The following DENND5B variants were observed in gnomAD, a reference collection of about 807,000 sequenced individuals.
DENND5B encodes the protein DENN domain containing 5B.
In DENND5B, 34 loss-of-function variants were observed where a neutral mutation model predicts 140.6. The observed-to-expected ratio is 0.24, with a 90% CI of 0.18 to 0.32. The LOEUF (loss-of-function observed/expected upper bound fraction) is 0.32, where lower values mean the gene tolerates loss of function less well. DENND5B is among the 10% of genes least tolerant of loss of function. The pLI is 1.00. For synonymous variants in DENND5B, 551 were observed against 562.1 expected, an observed-to-expected ratio of 0.98 and a Z score of 0.28; for missense variants, 1,142 against 1,560.2, an observed-to-expected ratio of 0.73 and a Z score of 4.52.
At chr12:31,564,149 A>C (rs1443949272) in intron 1 of DENND5B, among the ~76,000 whole-genome samples, 2 of 152,212 alleles carry the variant, frequency 1.3e-5, no homozygotes, top group Non-Finnish European at 2.9e-5. Context: ...GTTACTATTT[A>C]ATGACTAGAA....
intron 1 of DENND5B, among the ~76,000 whole-genome samples, chr12:31,566,258 T>A (rs1949625724): frequency 6.6e-6 from 1 of 152,014 alleles, no homozygotes; most frequent in Admixed American, 6.6e-5. Context: ...AGTTCGAGGC[T>A]ATAGTGTGCT....
Position 31,479,914 on chromosome 12 carries a change from G to A in DENND5B, c.579C>T (p.Cys193=). 6.2e-7 allele frequency: 1 copy of A among 1,613,960 alleles called. No homozygotes were observed. Among genetic ancestry groups the A allele is most frequent in the Non-Finnish European group, 8.5e-7 (1 of 1,179,838 alleles). ...RDTLYVSKSI[C]LITPLPFMQA... is the part of the protein sequence containing the mutation. ...GCATGAATGGTAACGGTGTGATCAA[G>A]CATATACTTTTTGAAACATACAGGG... The change falls in exon 3 of 21, where the codon TGC becomes TGT. Residue 193 remains cysteine, a synonymous_variant. Transcript: ENST00000389082.
intron 1 of DENND5B, among the ~76,000 whole-genome samples, chr12:31,576,156 AAAG>A (rs67872805): frequency 7.6e-6 from 1 of 131,184 alleles, no homozygotes; most frequent in African/African-American, 2.9e-5. Flanking sequence ...AAAAAAAAAA[AAAG>A]AAGAATGAGG....
chr12:31,460,171 T>C, intron 4 of DENND5B, 23 bp downstream of exon 4: 1 of 1,595,048 alleles, frequency 6.3e-7, no homozygotes, highest in Admixed American at 1.8e-5. Flanking sequence ...CAGCAAATGC[T>C]TCATCATTCA....
At chr12:31,461,465 C>T (rs569626229) in intron 3 of DENND5B, among the ~76,000 whole-genome samples, 121 of 152,254 alleles carry the variant, frequency 7.9e-4, no homozygotes, top group African/African-American at 2.4e-3. Context: ...TCTGCAAAGG[C>T]TGCTTTATAC....
chr12:31,429,085 G>T (rs1405620013), intron 8 of DENND5B, among the ~76,000 whole-genome samples: 1 of 151,726 alleles, frequency 6.6e-6, no homozygotes, highest in African/African-American at 2.4e-5. Context: ...TGTTGGTCAG[G>T]CTGGTCTCAA....
In DENND5B at chr12:31,486,457, G is replaced by A. The variant is rs537696790; in HGVS notation, c.238-6202C>T. On this transcript the variant is annotated intron_variant, in intron 2 of 20. Transcript: ENST00000389082. ...GTATTTTATTTTAGCAGGAGGAATGGAGTAAGAAAAACCCTTAGGTCAAAT... is the reference window on the plus strand; with the variant it reads ...GTATTTTATTTTAGCAGGAGGAATGAAGTAAGAAAAACCCTTAGGTCAAAT... Among the ~76,000 whole-genome samples the A allele has an allele frequency of 5.3e-5, 8 of 152,302 alleles. No homozygotes were observed. In the East Asian group the frequency reaches 1.5e-3, roughly 29 times the overall value.
intron 7 of DENND5B, among the ~76,000 whole-genome samples, chr12:31,441,487 C>T (rs1220503128): frequency 2.0e-5 from 3 of 151,476 alleles, no homozygotes; most frequent in East Asian, 2.0e-4. Flanking sequence ...CGTGCCTGGC[C>T]CAAGTTTTTT....
intron 7 of DENND5B, among the ~76,000 whole-genome samples, chr12:31,433,946 G>T (rs542581830): frequency 2.0e-5 from 3 of 152,168 alleles, no homozygotes; most frequent in Non-Finnish European, 4.4e-5. Flanking sequence ...AGTGTGCCAC[G>T]ACTGCACTCC....
At chr12:31,499,264 A>G (rs1031736486) in intron 1 of DENND5B, among the ~76,000 whole-genome samples, 1 of 152,188 alleles carries the variant, frequency 6.6e-6, no homozygotes, top group Non-Finnish European at 1.5e-5. Flanking sequence ...ACAAACAAGG[A>G]CTATAAATTT....
chr12:31,480,264 G>GA lies in DENND5B; in HGVS notation c.238-10dup. Reference sequence around the variant, plus strand: ...CCTTTAGGCATGCACAACTGTGAAAGAAAGAAAAAAAAAAATCAGAATGCA... The same window carrying GA: ...CCTTTAGGCATGCACAACTGTGAAAGAAAAGAAAAAAAAAAATCAGAATGCA... On this transcript the variant is annotated splice_polypyrimidine_tract_variant and intron_variant, in intron 2 of 20. Coordinates refer to ENST00000389082, the MANE Select transcript of DENND5B (RefSeq NM_144973.4). 10 of 1,405,386 alleles carry GA rather than the reference G, an allele frequency of 7.1e-6. No individual in the cohort carries two copies. Among genetic ancestry groups the GA allele is most frequent in the South Asian group, 3.4e-5 (2 of 58,332 alleles). The allele number at this position is 1,405,386 out of a possible 1,614,324, so 87.1% of individuals were successfully genotyped here.
chr12:31,435,952 A>C (rs1943734102), intron 7 of DENND5B, among the ~76,000 whole-genome samples: 1 of 151,954 alleles, frequency 6.6e-6, no homozygotes, highest in Non-Finnish European at 1.5e-5. Context: ...GCAAGCCACC[A>C]ATGCTCAGCT....
intron 1 of DENND5B, among the ~76,000 whole-genome samples, chr12:31,568,239 T>C (rs548079523): frequency 6.6e-6 from 1 of 152,316 alleles, no homozygotes; most frequent in Admixed American, 6.5e-5. Context: ...ACATATGAAA[T>C]ATAAGTGAAT....
At chr12:31,535,352 AC>A (rs1948450130) in intron 1 of DENND5B, 1 of 158,622 alleles carries the variant, frequency 6.3e-6, no homozygotes, top group Non-Finnish European at 1.4e-5. Context: ...CACAGGGGTG[AC>A]TCTGTCACCC....
At chr12:31,528,429 T>G (rs1948162315) in intron 1 of DENND5B, among the ~76,000 whole-genome samples, 1 of 152,170 alleles carries the variant, frequency 6.6e-6, no homozygotes. Flanking sequence ...ATCACATCTG[T>G]AAAGATATTT....
At chr12:31,575,347 A>C (rs555051341) in intron 1 of DENND5B, among the ~76,000 whole-genome samples, 2 of 152,316 alleles carry the variant, frequency 1.3e-5, no homozygotes, top group Admixed American at 1.3e-4. Context: ...ATTCCAATTG[A>C]TAATGTTGGT....
At chr12:31,563,646 G>A (rs1949544531) in intron 1 of DENND5B, among the ~76,000 whole-genome samples, 1 of 152,040 alleles carries the variant, frequency 6.6e-6, no homozygotes. Flanking sequence ...TCAATGATCT[G>A]AAGATAATTT....
chr12:31,460,635 G>A (rs1433734526), intron 3 of DENND5B, among the ~76,000 whole-genome samples: 2 of 152,106 alleles, frequency 1.3e-5, no homozygotes, highest in Non-Finnish European at 2.9e-5. Flanking sequence ...ATGGGTAGAC[G>A]AACTTATATT....
At chr12:31,427,579 C>T (rs965230890) in intron 8 of DENND5B, among the ~76,000 whole-genome samples, 1 of 148,406 alleles carries the variant, frequency 6.7e-6, no homozygotes, top group South Asian at 2.1e-4. Context: ...GCACTCCAGC[C>T]TGGGCAACTG....
Sources: gnomAD v4.1 joint callset for allele counts (sites outside exome capture counted in the v4.1 genomes callset) on GRCh38, gnomAD v4.1.1 for gene constraint, MANE v1.5 for transcripts, NCBI Gene and HGNC (gene_info 2026-07-23, HGNC 2026-07-21) for gene names.